The following ATP8B1 variants were observed in gnomAD, a reference collection of about 807,000 sequenced individuals.
ATP8B1 encodes the protein phospholipid-transporting ATPase IC.
In ATP8B1, 80 loss-of-function variants were observed where a neutral mutation model predicts 149.9. The ratio of observed to expected loss-of-function variants is 0.53; its 90% CI spans 0.45 to 0.64. The LOEUF is 0.64. Among genes scored for constraint, ATP8B1 ranks in the 30% least tolerant of loss-of-function variants. ATP8B1 has a pLI of 0.00. For synonymous variants in ATP8B1, 536 were observed against 562.8 expected, an observed-to-expected ratio of 0.95 and a Z score of 0.67; for missense variants, 1,247 against 1,552.6, an observed-to-expected ratio of 0.80 and a Z score of 3.31.
chr18:57,799,904 G>A (rs747318657), intron 1 of ATP8B1, among the ~76,000 whole-genome samples: 6 of 152,088 alleles, frequency 3.9e-5, no homozygotes, highest in Non-Finnish European at 8.8e-5. Flanking sequence ...TGGGAATGGG[G>A]ATTCAGGAGT....
chr18:57,705,697 G>T (rs1046209323), intron 3 of ATP8B1, among the ~76,000 whole-genome samples: 1 of 152,196 alleles, frequency 6.6e-6, no homozygotes, highest in African/African-American at 2.4e-5. Context: ...AGAGGCTCCA[G>T]AAGGAGCCAA....
intron 1 of ATP8B1, among the ~76,000 whole-genome samples, chr18:57,759,179 A>AAAAAAAAAAAAAAAAAAAAAAAAAAAAAC (rs2080120863): frequency 7.1e-6 from 1 of 139,984 alleles, no homozygotes; most frequent in South Asian, 2.3e-4. Flanking sequence ...AAAAAAAAAA[A>AAAAAAAAAAAAAAAAAAAAAAAAAAAAAC]AAAGAAATCC....
chr18:57,663,304 G>A (rs1423166406), intron 20 of ATP8B1, among the ~76,000 whole-genome samples: 1 of 152,146 alleles, frequency 6.6e-6, no homozygotes, highest in Non-Finnish European at 1.5e-5. Flanking sequence ...TTATGTGGAA[G>A]CACCACATTC....
At chr18:57,786,665 T>C (rs2080413344) in intron 1 of ATP8B1, among the ~76,000 whole-genome samples, 1 of 152,166 alleles carries the variant, frequency 6.6e-6, no homozygotes, top group Non-Finnish European at 1.5e-5. Flanking sequence ...CTCACTTTGG[T>C]CTGGGAAAGA....
Position 57,713,236 on chromosome 18 carries a change from CTTCCTTCT to C in ATP8B1, c.182-6657_182-6650del, listed in dbSNP as rs1457605222. ...CCTTCCTTCCTTCCTTCCTTCCTTC[CTTCCTTCT>C]TTCTTTCTTTCTTTCTTTCTCTTTC... is the stretch of plus-strand genomic sequence containing the variant. On this transcript the variant is annotated intron_variant, in intron 2 of 27. Coordinates refer to ENST00000648908, the MANE Select transcript of ATP8B1 (RefSeq NM_001374385.1). Among the ~76,000 whole-genome samples, 323 of 100,136 alleles carry C rather than the reference CTTCCTTCT, an allele frequency of 3.2e-3. 4 individuals are homozygous for C. Among genetic ancestry groups the C allele is most frequent in the East Asian group, 0.015 (39 of 2,658 alleles). 65.7% of individuals were successfully genotyped at this position (100,136 alleles called of 152,430 possible).
At chr18:57,674,254 A>AAG (rs1555690394) in intron 16 of ATP8B1, among the ~76,000 whole-genome samples, 1,798 of 145,392 alleles carry the variant, frequency 0.012, 49 homozygotes, top group African/African-American at 0.044. Flanking sequence ...AAAAAAAAAA[A>AAG]AAAAGAAAAG....
intron 15 of ATP8B1, among the ~76,000 whole-genome samples, chr18:57,681,155 A>G (rs1911948316): frequency 6.6e-6 from 1 of 152,178 alleles, no homozygotes; most frequent in Admixed American, 6.5e-5. Flanking sequence ...AGCATGAAAA[A>G]GGTTCAATTT....
chr18:57,684,948 C>T, intron 14 of ATP8B1, 124 bp downstream of exon 14: 7 of 1,246,734 alleles, frequency 5.6e-6, no homozygotes, highest in Non-Finnish European at 7.0e-6. Flanking sequence ...GGACTGTGGG[C>T]AACCACCAGG....
chr18:57,688,201 C>G, intron 13 of ATP8B1, 98 bp downstream of exon 13: 1 of 1,333,448 alleles, frequency 7.5e-7, no homozygotes, highest in Non-Finnish European at 1.1e-6. Context: ...ATCGAGAGGG[C>G]ACCAGCAATG....
At chr18:57,710,509 A>G (rs1373135486) in intron 2 of ATP8B1, among the ~76,000 whole-genome samples, 1 of 152,070 alleles carries the variant, frequency 6.6e-6, no homozygotes, top group Non-Finnish European at 1.5e-5. Context: ...CCCACCAACA[A>G]CCAAGAAGCT....
chr18:57,761,071 TAAAA>T (rs879709358), intron 1 of ATP8B1, among the ~76,000 whole-genome samples: 3,372 of 127,670 alleles, frequency 0.026, 62 homozygotes, highest in Non-Finnish European at 0.037. Flanking sequence ...TAACATAAAA[TAAAA>T]TAAATAAAAT....
chr18:57,733,388 T>TA (rs2079809160), intron 1 of ATP8B1, among the ~76,000 whole-genome samples: 1 of 152,146 alleles, frequency 6.6e-6, no homozygotes, highest in Non-Finnish European at 1.5e-5. Context: ...ACTGGAGTGC[T>TA]AAATAATTTG....
intron 2 of ATP8B1, among the ~76,000 whole-genome samples, chr18:57,712,052 T>TATATAC (rs1450714281): frequency 6.6e-6 from 1 of 150,650 alleles, no homozygotes; most frequent in Non-Finnish European, 1.5e-5. Flanking sequence ...TATTGGCATA[T>TATATAC]ATATATATAT....
chr18:57,742,346 A>G (rs1171353536), intron 1 of ATP8B1, among the ~76,000 whole-genome samples: 3 of 152,220 alleles, frequency 2.0e-5, no homozygotes, highest in Non-Finnish European at 4.4e-5. Context: ...TACATTTTTT[A>G]TTTCCTCCCA....
At chr18:57,692,127 G>T in intron 11 of ATP8B1, 130 bp from the exon 12 acceptor site, 1 of 1,418,622 alleles carries the variant, frequency 7.0e-7, no homozygotes. Context: ...AATAATATAT[G>T]TCAAATAAAA....
At chr18:57,793,497 T>A (rs1238083045) in intron 1 of ATP8B1, among the ~76,000 whole-genome samples, 1 of 152,054 alleles carries the variant, frequency 6.6e-6, no homozygotes, top group East Asian at 1.9e-4. Flanking sequence ...AGGAGCAATG[T>A]CCTGCACTGA....
At chr18:57,716,479 G>A (rs1298005009) in intron 2 of ATP8B1, among the ~76,000 whole-genome samples, 1 of 150,668 alleles carries the variant, frequency 6.6e-6, no homozygotes, top group Non-Finnish European at 1.5e-5. Flanking sequence ...GACTGAAAAT[G>A]AAGGGATTGA....
At chr18:57,739,819 C>T (rs924909210) in intron 1 of ATP8B1, among the ~76,000 whole-genome samples, 3 of 152,170 alleles carry the variant, frequency 2.0e-5, no homozygotes, top group East Asian at 3.8e-4. Context: ...TTACCATGTA[C>T]GCAAAACCAA....
At chr18:57,703,641 C>T (rs960916626) in intron 4 of ATP8B1, among the ~76,000 whole-genome samples, 20 of 151,840 alleles carry the variant, frequency 1.3e-4, no homozygotes, top group Non-Finnish European at 7.4e-5. Context: ...CTATGTAATC[C>T]GCACGGCAGA....
Sources: gnomAD v4.1 joint callset for allele counts (sites outside exome capture counted in the v4.1 genomes callset) on GRCh38, gnomAD v4.1.1 for gene constraint, MANE v1.5 for transcripts, NCBI Gene and HGNC (gene_info 2026-07-23, HGNC 2026-07-21) for gene names.